Variants in PCDH15 observed in about 807,000 individuals in gnomAD.
PCDH15 encodes the protein protocadherin related 15, also known as protocadherin-15.
Under a neutral mutation model 178.5 loss-of-function variants are expected in PCDH15, and 129 were observed. That is an observed-to-expected ratio of 0.72 (90% CI 0.63 to 0.84). The LOEUF is 0.84. Ranked by LOEUF, PCDH15 falls within the 40% of genes least tolerant of loss-of-function variation. PCDH15 has a pLI of 0.00. For synonymous variants in PCDH15, 800 were observed against 732.0 expected (o/e 1.09, Z -1.50); for missense variants, 2,230 against 2,099.9 (o/e 1.06, Z -1.21).
intron 1 of PCDH15, among the ~76,000 whole-genome samples, chr10:55,317,939 A>T (rs1843769762): frequency 6.6e-6 from 1 of 152,210 alleles, no homozygotes; most frequent in South Asian, 2.1e-4. Context: ...GTTAAAATAA[A>T]AGAAAGAAGG....
chr10:54,354,225 T>C (rs545917859), intron 5 of PCDH15, among the ~76,000 whole-genome samples: 94 of 152,312 alleles, frequency 6.2e-4, no homozygotes, highest in African/African-American at 2.1e-3. Context: ...CCTCAGGTGA[T>C]CCGCCTGCCT....
At chr10:54,058,586 G>T (rs2093948123) in intron 18 of PCDH15, among the ~76,000 whole-genome samples, 1 of 152,136 alleles carries the variant, frequency 6.6e-6, no homozygotes, top group Non-Finnish European at 1.5e-5. Flanking sequence ...CGAGATTTGG[G>T]TGGGGATACA....
At chr10:54,518,288 A>T (rs1589841019) in intron 3 of PCDH15, among the ~76,000 whole-genome samples, 1 of 152,182 alleles carries the variant, frequency 6.6e-6, no homozygotes, top group African/African-American at 2.4e-5. Flanking sequence ...TTTTTTGAAA[A>T]GATCAACAAA....
chr10:53,860,397 G>A (rs971912060), intron 27 of PCDH15, among the ~76,000 whole-genome samples: 1 of 152,050 alleles, frequency 6.6e-6, no homozygotes, highest in African/African-American at 2.4e-5. Context: ...TTGAAGGATA[G>A]TCACTGCTTT....
chr10:54,935,421 C>G (rs1564643459), intron 2 of PCDH15, among the ~76,000 whole-genome samples: 1 of 152,000 alleles, frequency 6.6e-6, no homozygotes, highest in Non-Finnish European at 1.5e-5. Flanking sequence ...TCCTATGTTT[C>G]CAGACATTAA....
At chr10:54,975,434 T>C (rs941997127) in intron 2 of PCDH15, among the ~76,000 whole-genome samples, 2 of 152,180 alleles carry the variant, frequency 1.3e-5, no homozygotes, top group Admixed American at 6.5e-5. Flanking sequence ...TTTCTTTCCA[T>C]ATTGTTGTTA....
Position 53,858,982 on chromosome 10 carries a change from G to A in PCDH15, c.3718-1719C>T, listed in dbSNP as rs548880687. On this transcript the variant is annotated intron_variant, in intron 27 of 37. Coordinates refer to ENST00000644397, the MANE Select transcript of PCDH15 (RefSeq NM_001384140.1). ...GTATGTATATGAAACTTGCATAACT[G>A]TTCCCTCCCTCCCTCCCCTCCTTCC... Among the ~76,000 whole-genome samples the A allele has an allele frequency of 3.3e-5, 5 of 151,724 alleles. No homozygotes were observed. The East Asian group carries it at 9.7e-4, about 29-fold the overall frequency.
intron 6 of PCDH15, among the ~76,000 whole-genome samples, chr10:54,345,801 C>CAAAAAAAAAAAAAAAA (rs540507383): frequency 3.8e-5 from 2 of 52,436 alleles, no homozygotes; most frequent in African/African-American, 7.0e-5. Context: ...GACTCCGTCT[C>CAAAAAAAAAAAAAAAA]AAAAAAAAAA....
intron 13 of PCDH15, among the ~76,000 whole-genome samples, chr10:54,153,709 A>C (rs2133345491): frequency 6.6e-6 from 1 of 152,314 alleles, no homozygotes; most frequent in Non-Finnish European, 1.5e-5. Context: ...AAATAGGCAT[A>C]GTCGGCCTTT....
chr10:54,779,532 ACAT>A (rs1566224230), intron 1 of PCDH15, among the ~76,000 whole-genome samples: 1 of 144,574 alleles, frequency 6.9e-6, no homozygotes, highest in African/African-American at 2.5e-5. Context: ...ATATACACAC[ACAT>A]ATATATAGCA....
At chr10:55,363,697 G>A (rs749182594) in intron 2 of PCDH15, among the ~76,000 whole-genome samples, 1 of 151,966 alleles carries the variant, frequency 6.6e-6, no homozygotes, top group Non-Finnish European at 1.5e-5. Context: ...GTGCAATGGC[G>A]CGATATCGGC....
intron 18 of PCDH15, among the ~76,000 whole-genome samples, chr10:54,039,261 A>AG (rs2093486721): frequency 6.6e-6 from 1 of 152,010 alleles, no homozygotes; most frequent in Non-Finnish European, 1.5e-5. Flanking sequence ...TGCTATAACT[A>AG]GTGTAGCATT....
At chr10:54,228,204 G>T (rs975716801) in intron 9 of PCDH15, among the ~76,000 whole-genome samples, 1 of 152,102 alleles carries the variant, frequency 6.6e-6, no homozygotes, top group African/African-American at 2.4e-5. Flanking sequence ...ATTTTCAAAA[G>T]AAAAAGGTTT....
chr10:55,190,916 A>G (rs1019858129), intron 1 of PCDH15, among the ~76,000 whole-genome samples: 2 of 151,654 alleles, frequency 1.3e-5, no homozygotes, highest in Non-Finnish European at 1.5e-5. Context: ...TTTTTTTGAC[A>G]TTAACAGAAA....
chr10:54,838,277 T>C (rs140253227), intron 3 of PCDH15, among the ~76,000 whole-genome samples: 2 of 152,208 alleles, frequency 1.3e-5, no homozygotes, highest in East Asian at 3.9e-4. Flanking sequence ...AGAGACTAGA[T>C]GGAGATAATT....
At chr10:54,673,993 T>G (rs1158292675) in intron 1 of PCDH15, among the ~76,000 whole-genome samples, 1 of 152,182 alleles carries the variant, frequency 6.6e-6, no homozygotes, top group Non-Finnish European at 1.5e-5. Flanking sequence ...GCCCCTCTTC[T>G]TATCAGAGGG....
intron 1 of PCDH15, among the ~76,000 whole-genome samples, chr10:54,725,221 A>C (rs1942304220): frequency 6.6e-6 from 1 of 151,210 alleles, no homozygotes; most frequent in Non-Finnish European, 1.5e-5. Context: ...CTATATATTA[A>C]TATTACTAAT....
At chr10:54,546,250 A>T (rs980581882) in intron 2 of PCDH15, among the ~76,000 whole-genome samples, 2 of 152,220 alleles carry the variant, frequency 1.3e-5, no homozygotes, top group Non-Finnish European at 2.9e-5. Flanking sequence ...ATGAAATTGG[A>T]TGAATGAATA....
At chr10:54,104,395 T>G (rs562745325) in intron 15 of PCDH15, among the ~76,000 whole-genome samples, 4 of 152,258 alleles carry the variant, frequency 2.6e-5, no homozygotes, top group African/African-American at 9.6e-5. Context: ...TGATTACACC[T>G]GTTGTTGCAG....
Sources: gnomAD v4.1 joint callset for allele counts (sites outside exome capture counted in the v4.1 genomes callset) on GRCh38, gnomAD v4.1.1 for gene constraint, MANE v1.5 for transcripts, NCBI Gene and HGNC (gene_info 2026-07-23, HGNC 2026-07-21) for gene names.